The following PLCE1 variants were observed in gnomAD, a reference collection of about 807,000 sequenced individuals.
The protein encoded by PLCE1 is 1-phosphatidylinositol 4,5-bisphosphate phosphodiesterase epsilon-1.
A neutral mutation model predicts 242.8 loss-of-function variants in PLCE1; 119 were observed. The ratio of observed to expected loss-of-function variants is 0.49; its 90% CI spans 0.42 to 0.57. PLCE1 has a LOEUF of 0.57. PLCE1 is among the 20% of genes least tolerant of loss of function. PLCE1 has a pLI of 0.00. For missense variants in PLCE1, 2,441 were observed against 2,788.8 expected, an observed-to-expected ratio of 0.88 and a Z score of 2.81; for synonymous variants, 945 against 1,017.4, an observed-to-expected ratio of 0.93 and a Z score of 1.35.
chr10:94,198,311 G>A (rs1330812674), intron 4 of PLCE1, among the ~76,000 whole-genome samples: 2 of 152,184 alleles, frequency 1.3e-5, no homozygotes, highest in Non-Finnish European at 2.9e-5. Context: ...AGTCTGGACT[G>A]GAAGGTAGAA....
rs998892346 is a variant in PLCE1 at position 94,171,209 on chromosome 10, T to G, written c.1522T>G (p.Ser508Ala). The change falls in exon 4 of 33, where the codon TCC becomes GCC. Residue 508 changes from serine (S) to alanine (A), a missense_variant. Physicochemically the swap from Ser to Ala is moderately conservative, Grantham distance 99. Coordinates refer to ENST00000371380, the MANE Select transcript of PLCE1 (RefSeq NM_016341.4). ...CCAGCCAGGCCCCTCTGTGGCCAAT[T>G]CCAATGCCCTCCCTTCAAGTTCAGC... is the stretch of plus-strand genomic sequence containing the variant. ...ERQPGPSVAN[S>A]NALPSSSAGI... 6 of 1,614,184 alleles carry G rather than the reference T, an allele frequency of 3.7e-6. No homozygotes were observed. Among genetic ancestry groups the G allele is most frequent in the Non-Finnish European group, 4.2e-6 (5 of 1,180,022 alleles).
intron 28 of PLCE1, among the ~76,000 whole-genome samples, chr10:94,313,669 A>T (rs924514028): frequency 1.2e-4 from 18 of 152,312 alleles, no homozygotes; most frequent in Non-Finnish European, 1.9e-4. Context: ...AGAATGATAA[A>T]GACCGGAATG....
chr10:94,084,002 A>C (rs2044729558), intron 2 of PLCE1, among the ~76,000 whole-genome samples: 1 of 152,202 alleles, frequency 6.6e-6, no homozygotes, highest in African/African-American at 2.4e-5. Context: ...TGGGAGGATT[A>C]AAGGAGGCTA....
At chr10:94,119,062 C>T (rs1428035160) in intron 2 of PLCE1, among the ~76,000 whole-genome samples, 5 of 152,194 alleles carry the variant, frequency 3.3e-5, no homozygotes, top group East Asian at 1.9e-4. Context: ...CCTAAGTCCT[C>T]GCCCACCCTG....
At position 94,031,443 on chromosome 10, in the gene PLCE1, G is replaced by T. The variant is rs753979956; in HGVS notation, c.397G>T (p.Asp133Tyr). 24 of 1,613,674 alleles carry T rather than the reference G, an allele frequency of 1.5e-5. No homozygotes were observed. The South Asian group carries it at 2.0e-4, about 13-fold the overall frequency. ...AATGTACAACTCTGTTGCTGAGGAAGACTTGTGTTTAGAAACTGGAATTCC... is the reference window on the plus strand; with the variant it reads ...AATGTACAACTCTGTTGCTGAGGAATACTTGTGTTTAGAAACTGGAATTCC... ...YEMYNSVAEEDLCLETGIPSP... is the reference protein window; with the variant it reads ...YEMYNSVAEEYLCLETGIPSP... The change falls in exon 2 of 33, where the codon GAC becomes TAC. Residue 133 changes from aspartate to tyrosine, a missense_variant. Asp to Tyr is a radical substitution (Grantham distance 160, BLOSUM62 -3). Coordinates refer to ENST00000371380, the MANE Select transcript of PLCE1 (RefSeq NM_016341.4).
intron 2 of PLCE1, among the ~76,000 whole-genome samples, chr10:94,087,117 G>A (rs2044855703): frequency 6.6e-6 from 1 of 152,038 alleles, no homozygotes; most frequent in Non-Finnish European, 1.5e-5. Flanking sequence ...GGAGGCCAAG[G>A]CATGAGGATT....
intron 2 of PLCE1, among the ~76,000 whole-genome samples, chr10:94,127,311 C>T (rs1001014011): frequency 1.3e-5 from 2 of 152,246 alleles, no homozygotes; most frequent in African/African-American, 4.8e-5. Flanking sequence ...GCATCTGTGG[C>T]AGCAGTTGGA....
chr10:94,047,570 A>G (rs1011374625), intron 2 of PLCE1, among the ~76,000 whole-genome samples: 2 of 152,208 alleles, frequency 1.3e-5, no homozygotes, highest in African/African-American at 2.4e-5. Flanking sequence ...CAAAGCATCT[A>G]TTTTGAAAAT....
chr10:94,010,447 A>G (rs186457526), intron 1 of PLCE1, among the ~76,000 whole-genome samples: 44 of 152,300 alleles, frequency 2.9e-4, no homozygotes, highest in Non-Finnish European at 2.6e-4. Context: ...AGTCATGTCA[A>G]TCTCTTTAGC....
chr10:94,293,709 A>G, intron 23 of PLCE1, 70 bp downstream of exon 23: 1 of 1,529,758 alleles, frequency 6.5e-7, no homozygotes, highest in South Asian at 1.1e-5. Flanking sequence ...TTTACTGTCT[A>G]AGCACTTCCC....
At chr10:94,153,170 G>A (rs972363352) in intron 3 of PLCE1, among the ~76,000 whole-genome samples, 4 of 152,086 alleles carry the variant, frequency 2.6e-5, no homozygotes, top group Non-Finnish European at 4.4e-5. Context: ...ATTGCAAAAC[G>A]ACAGTAAATG....
chr10:94,300,648 T>C (rs900447124), intron 24 of PLCE1, among the ~76,000 whole-genome samples: 3 of 148,956 alleles, frequency 2.0e-5, no homozygotes, highest in East Asian at 3.9e-4. Flanking sequence ...CAGTAAATGC[T>C]TGTTACTCTG....
intron 2 of PLCE1, among the ~76,000 whole-genome samples, chr10:94,077,252 G>C (rs1389950037): frequency 6.6e-6 from 1 of 152,166 alleles, no homozygotes; most frequent in Non-Finnish European, 1.5e-5. Flanking sequence ...CAACAACTGG[G>C]GTGACGGGAT....
At chr10:94,284,805 C>A (rs1170713381) in intron 21 of PLCE1, 43 bp from the exon 22 acceptor site, 2 of 1,007,470 alleles carry the variant, frequency 2.0e-6, no homozygotes, top group Non-Finnish European at 3.2e-6. Context: ...AGGTGAGTAG[C>A]ATATACCTTC....
Position 94,306,495 on chromosome 10 carries a change from G to A in PLCE1, c.5691G>A (p.Leu1897=). The A allele has an allele frequency of 1.2e-5, 20 of 1,614,108 alleles. No individual in the cohort carries two copies. Among genetic ancestry groups the A allele is most frequent in the Non-Finnish European group, 1.4e-5 (16 of 1,179,996 alleles). Residue 1897 remains leucine (L), a synonymous_variant, in exon 26 of 33, where the codon CTG becomes CTA. Coordinates refer to ENST00000371380, the MANE Select transcript of PLCE1 (RefSeq NM_016341.4). The surrounding 1 kb of genome is among the most constrained non-coding windows in gnomAD (Gnocchi z 5.7). ...GCCCGTGCATTGAAGTCGACGTCCT[G>A]GGCATGCCTCTGGACAGCTGCCATT... ...MGSPCIEVDV[L]GMPLDSCHFR...
chr10:94,002,083 G>A (rs187768533), intron 1 of PLCE1, among the ~76,000 whole-genome samples: 62 of 152,010 alleles, frequency 4.1e-4, no homozygotes, highest in African/African-American at 1.4e-3. Context: ...TACAGTGGTA[G>A]GGATTGGTAA....
In PLCE1 at chr10:94,321,875, C is replaced by G. The variant is rs756520492; in HGVS notation, c.6343-26C>G. ...TTATTCTGCATAAACCTATTATTTA[C>G]TCACATTTTTTCTTTTTAAACATAG... On this transcript the variant is annotated intron_variant, in intron 29 of 32. Transcript: ENST00000371380. 2.6e-6 allele frequency: 4 copies of G among 1,561,040 alleles called. No individual in the cohort carries two copies. The South Asian group carries it at 3.3e-5, about 13-fold the overall frequency.
At position 94,031,477 on chromosome 10, in the gene PLCE1, T is replaced by G; in HGVS notation, c.431T>G (p.Leu144Arg). The G allele has an allele frequency of 6.2e-7, 1 of 1,613,290 alleles. No homozygotes were observed. Residue 144 changes from leucine (L) to arginine (R), a missense_variant, in exon 2 of 33, where the codon CTG becomes CGG. Physicochemically the swap from Leu to Arg is moderately radical, Grantham distance 102. Around this residue, in one of 5 missense-constraint regions of PLCE1, gnomAD observed 393 missense variants for 378.5 expected, o/e 1.04. Transcript: ENST00000371380. ...TTAGAAACTGGAATTCCTTCTCCAC[T>G]GGAAAGAAAGGTGTTCCCTGGAATT... ...LCLETGIPSP[L>R]ERKVFPGIQL...
chr10:94,242,786 A>G (rs1369895896), intron 7 of PLCE1, among the ~76,000 whole-genome samples: 1 of 152,154 alleles, frequency 6.6e-6, no homozygotes, highest in Non-Finnish European at 1.5e-5. Flanking sequence ...ACAAGAACCA[A>G]CTGGAAGAGC....
Sources: gnomAD v4.1 joint callset for allele counts (sites outside exome capture counted in the v4.1 genomes callset) on GRCh38, gnomAD v4.1.1 for gene constraint, gnomAD v4.1.1 regional missense constraint, Gnocchi (gnomAD v3.1) non-coding constraint, MANE v1.5 for transcripts, NCBI Gene and HGNC (gene_info 2026-07-23, HGNC 2026-07-21) for gene names.